Variants in RBFOX1 observed in about 807,000 individuals in gnomAD.
RBFOX1 encodes the protein RNA binding protein fox-1 homolog 1.
Under a neutral mutation model 57.7 loss-of-function variants are expected in RBFOX1, and 8 were observed. The ratio of observed to expected loss-of-function variants is 0.14; its 90% CI spans 0.08 to 0.25. The LOEUF (loss-of-function observed/expected upper bound fraction) is 0.25, where lower values mean the gene tolerates loss of function less well. Among genes scored for constraint, RBFOX1 ranks in the 10% least tolerant of loss-of-function variants. The probability of loss-of-function intolerance (pLI) is 1.00; values close to 1 mark genes in which losing one functional copy is unlikely to be tolerated. For missense variants in RBFOX1, 611 were observed against 548.5 expected (o/e 1.11, Z -1.14); for synonymous variants, 326 against 222.4 (o/e 1.47, Z -4.15).
chr16:5,439,452 G>A (rs1330158069), intron 1 of RBFOX1, among the ~76,000 whole-genome samples: 1 of 152,058 alleles, frequency 6.6e-6, no homozygotes, highest in East Asian at 1.9e-4. Context: ...AGCTGTTGCA[G>A]CACTTCCAAT....
chr16:6,435,607 A>G (rs1235853523), intron 2 of RBFOX1, among the ~76,000 whole-genome samples: 1 of 152,104 alleles, frequency 6.6e-6, no homozygotes, highest in East Asian at 1.9e-4. Context: ...CCTGGCCAGT[A>G]TTCGTTTTAT....
chr16:6,882,979 C>G (rs370719555), intron 3 of RBFOX1, among the ~76,000 whole-genome samples: 42 of 152,230 alleles, frequency 2.8e-4, no homozygotes, highest in Middle Eastern at 3.4e-3. Context: ...ATTGCCATTT[C>G]TAAAGGTGAG....
At chr16:6,095,881 A>G (rs559560336) in intron 1 of RBFOX1, among the ~76,000 whole-genome samples, 5 of 152,248 alleles carry the variant, frequency 3.3e-5, no homozygotes, top group African/African-American at 1.2e-4. Flanking sequence ...TGCCTTGTCT[A>G]TCTCCTGGCG....
chr16:5,660,221 G>C (rs1367235366), intron 3 of RBFOX1, among the ~76,000 whole-genome samples: 1 of 152,182 alleles, frequency 6.6e-6, no homozygotes, highest in Non-Finnish European at 1.5e-5. Context: ...TTCGTTGAGT[G>C]TCTGGTATTA....
At chr16:6,112,996 A>G (rs899516314) in intron 1 of RBFOX1, among the ~76,000 whole-genome samples, 1 of 152,212 alleles carries the variant, frequency 6.6e-6, no homozygotes, top group African/African-American at 2.4e-5. Flanking sequence ...AGAAAAATGT[A>G]TCAGACAGCT....
intron 1 of RBFOX1, among the ~76,000 whole-genome samples, chr16:6,188,016 A>G (rs898656636): frequency 2.6e-4 from 40 of 152,200 alleles, no homozygotes; most frequent in African/African-American, 8.4e-4. Flanking sequence ...GTGTATGTAT[A>G]TGTGTATACA....
chr16:7,387,504 G>GT (rs1282154341), intron 4 of RBFOX1, among the ~76,000 whole-genome samples: 6 of 152,144 alleles, frequency 3.9e-5, no homozygotes, highest in African/African-American at 1.4e-4. Flanking sequence ...CCTGGGTCTC[G>GT]TTTCTTATCA....
chr16:7,615,913 G>A (rs184159505), intron 10 of RBFOX1, among the ~76,000 whole-genome samples: 10 of 152,226 alleles, frequency 6.6e-5, no homozygotes, highest in Middle Eastern at 3.4e-3. Flanking sequence ...ACATATTCAC[G>A]GAATACCTTA....
At position 6,102,678 on chromosome 16, in the gene RBFOX1, A is replaced by G. The variant is rs75651023; in HGVS notation, c.-127+82686A>G. On this transcript the variant is annotated intron_variant, in intron 1 of 15. Coordinates refer to ENST00000550418, the MANE Select transcript of RBFOX1 (RefSeq NM_018723.4). ...TTCAGATAATATTGTTCCCTTGTGA[A>G]TTTTATAGAACGGTTATTGAATCAT... Among the ~76,000 whole-genome samples, 443 of 152,206 alleles carry G rather than the reference A, an allele frequency of 2.9e-3. 6 individuals carry two copies. The East Asian group carries it at 0.038, about 13-fold the overall frequency.
At chr16:6,224,074 T>C (rs1334466488) in intron 1 of RBFOX1, among the ~76,000 whole-genome samples, 2 of 152,102 alleles carry the variant, frequency 1.3e-5, no homozygotes, top group African/African-American at 4.8e-5. Flanking sequence ...TCTGTTTTGG[T>C]ACCAGTACCA....
intron 4 of RBFOX1, among the ~76,000 whole-genome samples, chr16:5,891,545 C>T (rs1212205733): frequency 2.6e-5 from 4 of 152,154 alleles, no homozygotes; most frequent in African/African-American, 7.2e-5. Flanking sequence ...CCCTCATCCC[C>T]GAGAGCCCGC....
At chr16:7,225,852 A>G (rs949394528) in intron 4 of RBFOX1, among the ~76,000 whole-genome samples, 1 of 148,334 alleles carries the variant, frequency 6.7e-6, no homozygotes, top group African/African-American at 2.5e-5. Context: ...ATGTATACAT[A>G]TGTAACAAAC....
At chr16:7,205,719 A>G (rs1372780345) in intron 4 of RBFOX1, among the ~76,000 whole-genome samples, 1 of 152,214 alleles carries the variant, frequency 6.6e-6, no homozygotes, top group Admixed American at 6.5e-5. Flanking sequence ...GTCTTTGGTG[A>G]TGGGCAGAAA....
chr16:6,000,720 G>C, intron 4 of RBFOX1, among the ~76,000 whole-genome samples: 1 of 151,112 alleles, frequency 6.6e-6, no homozygotes, highest in Non-Finnish European at 1.5e-5. Flanking sequence ...TGGATGGGTA[G>C]ATGGGTGGAT....
chr16:6,887,471 G>C (rs7202061), intron 3 of RBFOX1, among the ~76,000 whole-genome samples: 108,702 of 151,968 alleles, frequency 0.72, 39,132 homozygotes, highest in East Asian at 0.92. Context: ...TTCGCATCAT[G>C]TTTTCTGGCT....
At chr16:6,364,844 C>CA (rs2089270045) in intron 2 of RBFOX1, among the ~76,000 whole-genome samples, 1 of 152,042 alleles carries the variant, frequency 6.6e-6, no homozygotes, top group East Asian at 1.9e-4. Flanking sequence ...TAACTGAAGG[C>CA]AAAGGGAATG....
intron 3 of RBFOX1, among the ~76,000 whole-genome samples, chr16:7,003,255 T>C (rs1971948): frequency 0.31 from 47,347 of 151,918 alleles, 9,857 homozygotes; most frequent in East Asian, 0.61. Context: ...GGTCAGCAGA[T>C]CAAGACCATC....
intron 4 of RBFOX1, among the ~76,000 whole-genome samples, chr16:7,065,655 G>T (rs1020706169): frequency 2.6e-5 from 4 of 152,016 alleles, no homozygotes; most frequent in Non-Finnish European, 5.9e-5. Flanking sequence ...ATTTTTTAGG[G>T]TAAGAATACT....
intron 3 of RBFOX1, among the ~76,000 whole-genome samples, chr16:5,851,878 T>G (rs1223630182): frequency 6.6e-6 from 1 of 152,142 alleles, no homozygotes; most frequent in East Asian, 1.9e-4. Context: ...TGGCCAGGTG[T>G]AGAGAGTTTC....
Sources: allele counts gnomAD v4.1 joint callset (sites outside exome capture counted in the v4.1 genomes callset), GRCh38; gene constraint gnomAD v4.1.1; transcripts MANE v1.5; gene names NCBI Gene and HGNC (gene_info 2026-07-23, HGNC 2026-07-21).